DPH6: variants seen among roughly 807,000 people sequenced by gnomAD.
The protein encoded by DPH6 is diphthamine biosynthesis 6.
A neutral mutation model predicts 38.2 loss-of-function variants in DPH6; 33 were observed. The observed-to-expected ratio is 0.86, with a 90% CI of 0.65 to 1.15. The LOEUF (loss-of-function observed/expected upper bound fraction) is 1.15, where lower values mean the gene tolerates loss of function less well. Among genes scored for constraint, DPH6 ranks in the 50% most tolerant of loss-of-function variants. The pLI is 0.00. For synonymous variants in DPH6, 108 were observed against 103.0 expected (o/e 1.05, Z -0.30); for missense variants, 325 against 320.0 (o/e 1.02, Z -0.12).
intron 3 of DPH6, among the ~76,000 whole-genome samples, chr15:35,343,486 T>C (rs1460527739): frequency 6.6e-6 from 1 of 152,066 alleles, no homozygotes; most frequent in Non-Finnish European, 1.5e-5. Context: ...TAAAAAGAGA[T>C]GATGTTGCTT....
At chr15:35,522,400 T>C (rs961741609) in intron 3 of DPH6, 4 of 939,468 alleles carry the variant, frequency 4.3e-6, no homozygotes, top group Non-Finnish European at 6.3e-6. Flanking sequence ...TCAGTATTAA[T>C]ACAACAGGAC....
chr15:35,538,349 C>T lies in DPH6; in HGVS notation c.237G>A (p.Leu79=), dbSNP rs752148734. The part of the protein sequence containing the change: ...LYRRTIRGRS[L]DTRQVYTKCE... ...ATTTGGTGTACACTTGTCTTGTATC[C>T]AAGCTCCTTCCTCTTATGGTTCGGC... Residue 79 remains leucine (L), a synonymous_variant, in exon 3 of 9, where the codon TTG becomes TTA. Coordinates refer to ENST00000256538, the MANE Select transcript of DPH6 (RefSeq NM_080650.4). The T allele has an allele frequency of 6.2e-7, 1 of 1,611,524 alleles. No homozygotes were observed. The highest frequency in any genetic ancestry group is 1.1e-5 in the South Asian group (1 of 90,760).
chr15:35,432,358 AT>A (rs1681125977), intron 5 of DPH6, among the ~76,000 whole-genome samples: 1 of 152,112 alleles, frequency 6.6e-6, no homozygotes, highest in Non-Finnish European at 1.5e-5. Flanking sequence ...ATCATTCACT[AT>A]CCTCCTGGAT....
the DPH6 span, among the ~76,000 whole-genome samples, chr15:35,175,975 T>C: frequency 1.3e-5 from 2 of 152,324 alleles, no homozygotes; most frequent in African/African-American, 2.4e-5. Flanking sequence ...CTTTCAGACA[T>C]GTTCTCTTTG....
intron 7 of DPH6, among the ~76,000 whole-genome samples, chr15:35,376,429 C>T (rs2052781708): frequency 6.6e-6 from 1 of 152,018 alleles, no homozygotes; most frequent in African/African-American, 2.4e-5. Flanking sequence ...TACGGTGGTG[C>T]CATAAGATCA....
At chr15:35,230,811 G>C (rs1383353142) in intron 3 of DPH6, among the ~76,000 whole-genome samples, 1 of 151,994 alleles carries the variant, frequency 6.6e-6, no homozygotes, top group Admixed American at 6.6e-5. Context: ...CTGAAGCTAG[G>C]GCCTGCAAAG....
the DPH6 span, among the ~76,000 whole-genome samples, chr15:35,211,124 A>T: frequency 1.0e-3 from 158 of 152,122 alleles, no homozygotes; most frequent in African/African-American, 3.5e-3. Context: ...TTTCATAAAA[A>T]TTCTGTGATA....
chr15:35,320,604 T>C (rs2052232245), intron 3 of DPH6, among the ~76,000 whole-genome samples: 1 of 152,222 alleles, frequency 6.6e-6, no homozygotes, highest in South Asian at 2.1e-4. Flanking sequence ...AGCCTATTCC[T>C]TCTAGTTCCC....
At chr15:35,304,027 A>C (rs542792815) in intron 3 of DPH6, among the ~76,000 whole-genome samples, 1 of 152,182 alleles carries the variant, frequency 6.6e-6, no homozygotes, top group South Asian at 2.1e-4. Context: ...AGAAAATAAA[A>C]ATCTAGTTTT....
At chr15:35,446,175 T>C (rs1444273759) in intron 5 of DPH6, among the ~76,000 whole-genome samples, 1 of 152,026 alleles carries the variant, frequency 6.6e-6, no homozygotes, top group Non-Finnish European at 1.5e-5. Flanking sequence ...AAATTTACAG[T>C]ATTGATAAAT....
At chr15:35,436,592 G>T (rs2053718506) in intron 5 of DPH6, among the ~76,000 whole-genome samples, 1 of 150,776 alleles carries the variant, frequency 6.6e-6, no homozygotes, top group Non-Finnish European at 1.5e-5. Flanking sequence ...AAAAGAAAAA[G>T]TTTCTCTCCT....
At chr15:35,509,032 T>G (rs1239035342) in intron 3 of DPH6, among the ~76,000 whole-genome samples, 1 of 152,216 alleles carries the variant, frequency 6.6e-6, no homozygotes, top group African/African-American at 2.4e-5. Flanking sequence ...GTTTGTTTCA[T>G]TTTTATGAAG....
chr15:35,184,522 T>A, the DPH6 span, among the ~76,000 whole-genome samples: 1 of 152,126 alleles, frequency 6.6e-6, no homozygotes, highest in African/African-American at 2.4e-5. Flanking sequence ...AAAAGGATCA[T>A]TATACAGTGA....
chr15:35,429,813 A>G (rs139702079), intron 5 of DPH6, among the ~76,000 whole-genome samples: 1 of 152,112 alleles, frequency 6.6e-6, no homozygotes, highest in African/African-American at 2.4e-5. Flanking sequence ...TAATGAAAAA[A>G]TCTGTTCCTA....
chr15:35,530,444 T>C (rs925359825), intron 3 of DPH6, among the ~76,000 whole-genome samples: 4 of 152,138 alleles, frequency 2.6e-5, no homozygotes, highest in Admixed American at 6.5e-5. Flanking sequence ...GAGTAGATGA[T>C]AAGATAGGAA....
intron 3 of DPH6, among the ~76,000 whole-genome samples, chr15:35,246,502 C>A (rs79383525): frequency 0.027 from 4,104 of 152,288 alleles, 68 homozygotes; most frequent in Middle Eastern, 0.037. Context: ...TTCTTCAAAG[C>A]TCTGCCTGCC....
At chr15:35,258,605 T>A (rs2051723041) in intron 3 of DPH6, among the ~76,000 whole-genome samples, 1 of 152,206 alleles carries the variant, frequency 6.6e-6, no homozygotes, top group Non-Finnish European at 1.5e-5. Flanking sequence ...TTCTATAAGC[T>A]GTCTCAGCAA....
At chr15:35,484,739 A>C (rs1002145809) in intron 3 of DPH6, among the ~76,000 whole-genome samples, 1 of 152,230 alleles carries the variant, frequency 6.6e-6, no homozygotes, top group Admixed American at 6.5e-5. Flanking sequence ...CCACATGCAA[A>C]GGGAAATTAC....
At chr15:35,397,930 C>G (rs186473098) in intron 6 of DPH6, among the ~76,000 whole-genome samples, 1 of 145,000 alleles carries the variant, frequency 6.9e-6, no homozygotes, top group Non-Finnish European at 1.5e-5. Context: ...TCTGAGACCT[C>G]TAGCTATTTT....
Sources: gnomAD v4.1 joint callset for allele counts (sites outside exome capture counted in the v4.1 genomes callset) on GRCh38, gnomAD v4.1.1 for gene constraint, MANE v1.5 for transcripts, NCBI Gene and HGNC (gene_info 2026-07-23, HGNC 2026-07-21) for gene names.